The following KANSL3 variants were observed in gnomAD, a reference collection of about 807,000 sequenced individuals.
KANSL3 encodes the protein KAT8 regulatory NSL complex subunit 3, also known as NSL complex protein NSL3.
A neutral mutation model predicts 89.2 loss-of-function variants in KANSL3; 16 were observed. That is an observed-to-expected ratio of 0.18 (90% CI 0.12 to 0.27). The LOEUF (loss-of-function observed/expected upper bound fraction) is 0.27. KANSL3 is among the 10% of genes least tolerant of loss of function. The pLI is 1.00. For synonymous variants in KANSL3, 385 were observed against 419.7 expected, an observed-to-expected ratio of 0.92 and a Z score of 1.01; for missense variants, 879 against 1,110.6, an observed-to-expected ratio of 0.79 and a Z score of 2.96.
At chr2:96,612,227 T>C (rs1225843309) in intron 9 of KANSL3, 55 bp downstream of exon 9, 4 of 1,212,490 alleles carry the variant, frequency 3.3e-6, no homozygotes, top group Admixed American at 3.4e-5. Flanking sequence ...ATGGTAGCTA[T>C]GATTAGTGGT....
the KANSL3 span, among the ~76,000 whole-genome samples, chr2:96,583,404 C>A: frequency 6.6e-6 from 1 of 152,196 alleles, no homozygotes; most frequent in Non-Finnish European, 1.5e-5. Context: ...TTCCCCCCGA[C>A]GGAAAAAGTC....
chr2:96,602,304 C>T lies in KANSL3; in HGVS notation c.2294G>A (p.Ser765Asn), dbSNP rs767197678. 5.0e-6 allele frequency: 8 copies of T among 1,611,834 alleles called. No homozygotes were observed. The highest frequency in any genetic ancestry group is 6.8e-6 in the Non-Finnish European group (8 of 1,179,158). ...TSVKLPTPMQ[S>N]LGAITTGTST... ...GGTGCCCGTGGTGATGGCACCCAGGCTCTGCATGGGGGTGGGCAACTTCAC... is the reference window on the plus strand; with the variant it reads ...GGTGCCCGTGGTGATGGCACCCAGGTTCTGCATGGGGGTGGGCAACTTCAC... Residue 765 changes from serine to asparagine, a missense_variant, in exon 19 of 21, where the codon AGC becomes AAC. Around this residue, in one of 6 missense-constraint regions of KANSL3, gnomAD observed 89 missense variants for 139.7 expected, o/e 0.64. Transcript: ENST00000431828.
In KANSL3 at chr2:96,609,888, T is replaced by C. The variant is rs190237342; in HGVS notation, c.1320-326A>G. 2.3e-3 allele frequency among the ~76,000 whole-genome samples: 309 copies of C among 135,670 alleles called. 1 individual carries two copies. The highest frequency in any genetic ancestry group is 8.4e-3 in the African/African-American group (292 of 34,638). 89.0% of individuals were successfully genotyped at this position (135,670 alleles called of 152,430 possible). ...CTATCCAGAACTCAGGAGGCGGAGG[T>C]TGCAGTGAGCTGAGATTGCACCACT... On this transcript the variant is annotated intron_variant, in intron 11 of 20. Transcript: ENST00000431828.
chr2:96,592,012 G>A (rs961455632), downstream of KANSL3, among the ~76,000 whole-genome samples: 1 of 152,118 alleles, frequency 6.6e-6, no homozygotes, highest in African/African-American at 2.4e-5. Flanking sequence ...AGGTAAAAAA[G>A]ACTTGTCTGC....
chr2:96,587,556 C>T, the KANSL3 span, among the ~76,000 whole-genome samples: 1 of 152,176 alleles, frequency 6.6e-6, no homozygotes, highest in African/African-American at 2.4e-5. Flanking sequence ...CCTGCTAAAA[C>T]AGAAGATTTA....
downstream of KANSL3, among the ~76,000 whole-genome samples, chr2:96,592,163 T>C (rs1470868208): frequency 6.6e-6 from 1 of 151,978 alleles, no homozygotes; most frequent in Non-Finnish European, 1.5e-5. Flanking sequence ...GCAAACCAGA[T>C]GTCTACTAAG....
the KANSL3 span, among the ~76,000 whole-genome samples, chr2:96,583,114 C>T: frequency 4.6e-5 from 7 of 152,342 alleles, no homozygotes; most frequent in Non-Finnish European, 8.8e-5. Context: ...CTGCATGGTA[C>T]AGACTATGGT....
intron 20 of KANSL3, among the ~76,000 whole-genome samples, chr2:96,599,288 A>C (rs910205640): frequency 2.0e-5 from 3 of 152,232 alleles, no homozygotes; most frequent in Non-Finnish European, 2.9e-5. Context: ...AAGAAAACAC[A>C]AAGAGAGAGT....
At chr2:96,606,822 G>C (rs1312067027) in intron 14 of KANSL3, 1 of 372,026 alleles carries the variant, frequency 2.7e-6, no homozygotes, top group Non-Finnish European at 5.1e-6. Flanking sequence ...AGCAAAAGGG[G>C]TCAGCAAAAC....
rs759599597 is a variant in KANSL3, at chr2:96,631,495, G to A, written c.216-13C>T. 6 of 1,556,424 alleles carry A rather than the reference G, an allele frequency of 3.9e-6. No individual in the cohort carries two copies. The highest frequency in any genetic ancestry group is 2.7e-5 in the African/African-American group (2 of 73,342). ...GACGTCTGATTCACTGTAAACAGGT[G>A]AGGAAATAGGACCGGGCCACACATA... On this transcript the variant is annotated splice_polypyrimidine_tract_variant and intron_variant, in intron 2 of 20. Coordinates refer to ENST00000431828, the MANE Select transcript of KANSL3 (RefSeq NM_001115016.3).
the KANSL3 span, among the ~76,000 whole-genome samples, chr2:96,585,379 C>A: frequency 6.6e-6 from 1 of 152,144 alleles, no homozygotes; most frequent in Non-Finnish European, 1.5e-5. Context: ...AAAAAATGCT[C>A]AACACCACTA....
intron 3 of KANSL3, among the ~76,000 whole-genome samples, chr2:96,625,588 T>A (rs1239205360): frequency 6.6e-6 from 1 of 152,172 alleles, no homozygotes; most frequent in Admixed American, 6.5e-5. Flanking sequence ...GTAAGGAAAA[T>A]GATGTGAATG....
chr2:96,637,145 G>C lies in KANSL3; in HGVS notation c.-10C>G. 6.5e-7 allele frequency: 1 copy of C among 1,541,972 alleles called. No individual in the cohort carries two copies. Among genetic ancestry groups the C allele is most frequent in the East Asian group, 2.4e-5 (1 of 40,858 alleles). On this transcript the variant is annotated 5_prime_UTR_variant, in exon 2 of 21. Coordinates refer to ENST00000431828, the MANE Select transcript of KANSL3 (RefSeq NM_001115016.3). ...CACCCCGGTGGGCCATGTCAGTGGA[G>C]GGGCAGAAAGTCAGAGCATGGGTAT...
chr2:96,628,081 G>C lies in KANSL3; in HGVS notation c.386+3231C>G, dbSNP rs965177529. On this transcript the variant is annotated intron_variant, in intron 3 of 20. Coordinates refer to ENST00000431828, the MANE Select transcript of KANSL3 (RefSeq NM_001115016.3). Reference sequence around the variant, plus strand: ...TAACAGAAGGGTGGTGGTCCACAAGGAGACTGGAGAAAGATAAGCCAAAGA... The same window carrying C: ...TAACAGAAGGGTGGTGGTCCACAAGCAGACTGGAGAAAGATAAGCCAAAGA... 2.3e-6 allele frequency: 3 copies of C among 1,290,368 alleles called. No homozygotes were observed. The East Asian group carries it at 1.7e-4, about 72-fold the overall frequency. The allele number at this position is 1,290,368 out of a possible 1,614,324, so 79.9% of individuals were successfully genotyped here.
intron 14 of KANSL3, among the ~76,000 whole-genome samples, chr2:96,607,270 A>G (rs975935913): frequency 6.6e-6 from 1 of 152,104 alleles, no homozygotes; most frequent in African/African-American, 2.4e-5. Flanking sequence ...AACTACAGCA[A>G]TGCGAGTGCC....
intron 11 of KANSL3, 81 bp from the exon 12 acceptor site, chr2:96,609,643 G>T: frequency 7.4e-7 from 1 of 1,356,592 alleles, no homozygotes. Flanking sequence ...TTTCTTTTCT[G>T]GGTTGTTTAT....
chr2:96,631,741 TA>T (rs1329193638), intron 2 of KANSL3, among the ~76,000 whole-genome samples: 7 of 152,046 alleles, frequency 4.6e-5, no homozygotes, highest in African/African-American at 1.2e-4. Flanking sequence ...GATAAACATC[TA>T]TTTTTTTTTT....
At chr2:96,625,885 G>A (rs1485371526) in intron 3 of KANSL3, among the ~76,000 whole-genome samples, 1 of 152,148 alleles carries the variant, frequency 6.6e-6, no homozygotes, top group African/African-American at 2.4e-5. Flanking sequence ...TTTAAAAACA[G>A]GAGACAGAAT....
At position 96,605,438 on chromosome 2, in the gene KANSL3, G is replaced by T; in HGVS notation, c.1815C>A (p.Pro605=). Residue 605 remains proline (P), a synonymous_variant, in exon 15 of 21, where the codon CCC becomes CCA. Coordinates refer to ENST00000431828, the MANE Select transcript of KANSL3 (RefSeq NM_001115016.3). ...DLRVQLKRHH[P]SSPLPGSKTS... is the part of the protein sequence containing the mutation. Reference sequence around the variant, plus strand: ...TCTTACTGCCAGGAAGGGGACTCGAGGGATGGTGTCGCTTCAGCTGAACCC... The same window carrying T: ...TCTTACTGCCAGGAAGGGGACTCGATGGATGGTGTCGCTTCAGCTGAACCC... The T allele has an allele frequency of 1.9e-6, 3 of 1,613,976 alleles. No individual in the cohort carries two copies. Among genetic ancestry groups the T allele is most frequent in the Non-Finnish European group, 2.5e-6 (3 of 1,179,864 alleles).
Sources: allele counts gnomAD v4.1 joint callset (sites outside exome capture counted in the v4.1 genomes callset), GRCh38; gene constraint gnomAD v4.1.1; regional missense constraint gnomAD v4.1.1; transcripts MANE v1.5; gene names NCBI Gene and HGNC (gene_info 2026-07-23, HGNC 2026-07-21).